Variants in CADM2 observed in about 807,000 individuals in gnomAD.
CADM2 encodes immunoglobulin superfamily member 4D.
Under a neutral mutation model 49.8 loss-of-function variants are expected in CADM2, and 12 were observed. The observed-to-expected ratio is 0.24, with a 90% CI of 0.15 to 0.39. The LOEUF (loss-of-function observed/expected upper bound fraction) is 0.39. Among genes scored for constraint, CADM2 ranks in the 10% least tolerant of loss-of-function variants. The pLI is 1.00. For missense variants in CADM2, 378 were observed against 492.3 expected, an observed-to-expected ratio of 0.77 and a Z score of 2.20; for synonymous variants, 214 against 175.4, an observed-to-expected ratio of 1.22 and a Z score of -1.74.
At chr3:85,785,059 A>G (rs930927891) in intron 2 of CADM2, among the ~76,000 whole-genome samples, 3 of 151,932 alleles carry the variant, frequency 2.0e-5, no homozygotes, top group African/African-American at 7.3e-5. Flanking sequence ...GCGTTTTCCA[A>G]TTTATTGGCA....
At chr3:85,086,230 T>G (rs2037369295) in intron 1 of CADM2, among the ~76,000 whole-genome samples, 1 of 152,044 alleles carries the variant, frequency 6.6e-6, no homozygotes. Flanking sequence ...CATACAGAAA[T>G]AAGAGTACGT....
Position 86,013,163 on chromosome 3 carries a change from G to C in CADM2, c.970+51516G>C. On this transcript the variant is annotated intron_variant, in intron 8 of 9. Transcript: ENST00000383699. ...GACACAGAAAACGAATAAAAGAACTGAGTGAAGACGAAATCAGGACTGAAA... is the reference window on the plus strand; with the variant it reads ...GACACAGAAAACGAATAAAAGAACTCAGTGAAGACGAAATCAGGACTGAAA... The C allele has an allele frequency of 1.3e-5, 18 of 1,351,208 alleles. 1 individual carries two copies. In the South Asian group the frequency reaches 1.6e-4, roughly 12 times the overall value. The allele number at this position is 1,351,208 out of a possible 1,614,324, so 83.7% of individuals were successfully genotyped here.
intron 2 of CADM2, among the ~76,000 whole-genome samples, chr3:85,727,401 G>A (rs1335683394): frequency 6.6e-6 from 1 of 151,926 alleles, no homozygotes; most frequent in Non-Finnish European, 1.5e-5. Context: ...TATTGTCATA[G>A]CAATGTATTT....
At position 85,102,396 on chromosome 3, in the gene CADM2, G is replaced by T. The variant is rs539500865; in HGVS notation, c.61+142728G>T. Reference sequence around the variant, plus strand: ...ATTTGATAGTTTACTTCAGTTACAAGCACAGAGAGTATAGAAAAAGATTTT... The same window carrying T: ...ATTTGATAGTTTACTTCAGTTACAATCACAGAGAGTATAGAAAAAGATTTT... On this transcript the variant is annotated intron_variant, in intron 1 of 9. Coordinates refer to ENST00000383699, the MANE Select transcript of CADM2 (RefSeq NM_001167675.2). Among the ~76,000 whole-genome samples the T allele has an allele frequency of 1.4e-4, 21 of 152,254 alleles. 1 individual carries two copies. In the South Asian group the frequency reaches 3.9e-3, roughly 29 times the overall value.
chr3:85,054,723 T>C (rs941746486), intron 1 of CADM2, among the ~76,000 whole-genome samples: 27 of 151,998 alleles, frequency 1.8e-4, no homozygotes, highest in African/African-American at 6.0e-4. Context: ...GTAACCATTT[T>C]TGGCCAGCAA....
chr3:85,389,673 T>A (rs575491688), intron 1 of CADM2, among the ~76,000 whole-genome samples: 1 of 152,130 alleles, frequency 6.6e-6, no homozygotes, highest in Non-Finnish European at 1.5e-5. Context: ...TTTCTGATTC[T>A]CCTTAACTTT....
rs1559644587 is a variant in CADM2 at position 85,769,553 on chromosome 3, ATG to A, written c.89-32492_89-32491del. 6.5e-4 allele frequency among the ~76,000 whole-genome samples: 49 copies of A among 75,262 alleles called. 1 individual carries two copies. The highest frequency in any genetic ancestry group is 2.8e-3 in the East Asian group (8 of 2,842). 49.4% of individuals were successfully genotyped at this position (75,262 alleles called of 152,430 possible). A position where few individuals can be genotyped will look rare whatever the true frequency, so the allele number is the denominator to read the frequency against. ...TGTATATATACACGTATATACATATATGTATATATACACGTATATACATATAT... is the reference window on the plus strand; with the variant it reads ...TGTATATATACACGTATATACATATATATATATACACGTATATACATATAT... On this transcript the variant is annotated intron_variant, in intron 2 of 9. Coordinates refer to ENST00000383699, the MANE Select transcript of CADM2 (RefSeq NM_001167675.2).
intron 1 of CADM2, among the ~76,000 whole-genome samples, chr3:85,048,130 A>G (rs17022365): frequency 6.6e-6 from 1 of 152,152 alleles, no homozygotes; most frequent in Non-Finnish European, 1.5e-5. Flanking sequence ...CAGCATGTTA[A>G]GTGCCAAGAC....
At chr3:85,508,102 A>G (rs945957442) in intron 1 of CADM2, among the ~76,000 whole-genome samples, 1 of 152,184 alleles carries the variant, frequency 6.6e-6, no homozygotes, top group Admixed American at 6.5e-5. Flanking sequence ...CAGGAAAGAA[A>G]GTACAAAGAG....
chr3:85,579,158 A>T (rs1437737302), intron 1 of CADM2, among the ~76,000 whole-genome samples: 1 of 152,192 alleles, frequency 6.6e-6, no homozygotes, highest in African/African-American at 2.4e-5. Context: ...GTATAAGTAG[A>T]TTTGAGCAAA....
chr3:85,126,358 G>T (rs1214500441), intron 1 of CADM2, among the ~76,000 whole-genome samples: 2 of 152,076 alleles, frequency 1.3e-5, no homozygotes, highest in East Asian at 3.9e-4. Context: ...CATATGGGTG[G>T]AGTCTGAAAG....
At chr3:85,935,156 A>T (rs1289577049) in intron 6 of CADM2, among the ~76,000 whole-genome samples, 1 of 152,126 alleles carries the variant, frequency 6.6e-6, no homozygotes, top group Non-Finnish European at 1.5e-5. Flanking sequence ...TCTAACAAAC[A>T]TGCAGTAGCA....
chr3:85,164,818 A>G (rs1268491462), intron 1 of CADM2, among the ~76,000 whole-genome samples: 1 of 151,992 alleles, frequency 6.6e-6, no homozygotes, highest in Non-Finnish European at 1.5e-5. Flanking sequence ...AAATTTATTT[A>G]TTTCCACTTT....
intron 2 of CADM2, among the ~76,000 whole-genome samples, chr3:85,793,245 A>G (rs1307297739): frequency 6.6e-6 from 1 of 152,148 alleles, no homozygotes; most frequent in African/African-American, 2.4e-5. Flanking sequence ...CATGGCAATA[A>G]ATTAAGAACA....
intron 1 of CADM2, among the ~76,000 whole-genome samples, chr3:85,704,803 A>G (rs192665828): frequency 6.6e-6 from 1 of 151,874 alleles, no homozygotes; most frequent in Non-Finnish European, 1.5e-5. Context: ...AATCTCCTCC[A>G]GAATATATTG....
intron 1 of CADM2, among the ~76,000 whole-genome samples, chr3:85,532,513 C>G (rs2061337406): frequency 6.6e-6 from 1 of 152,120 alleles, no homozygotes; most frequent in Non-Finnish European, 1.5e-5. Flanking sequence ...GTTCACTCCA[C>G]TCCACTCTAG....
chr3:85,911,924 T>A (rs1362844300), intron 5 of CADM2, among the ~76,000 whole-genome samples: 2 of 151,264 alleles, frequency 1.3e-5, no homozygotes, highest in Non-Finnish European at 3.0e-5. Flanking sequence ...TTTTTTAATT[T>A]TTTTTATTAT....
At chr3:85,841,568 G>T (rs1034269814) in intron 3 of CADM2, among the ~76,000 whole-genome samples, 3 of 151,994 alleles carry the variant, frequency 2.0e-5, no homozygotes, top group African/African-American at 7.2e-5. Context: ...TTAAACTAAA[G>T]TCTGATAGCT....
intron 8 of CADM2, among the ~76,000 whole-genome samples, chr3:86,051,306 C>A (rs1020600934): frequency 6.6e-6 from 1 of 152,112 alleles, no homozygotes; most frequent in Non-Finnish European, 1.5e-5. Context: ...CCAGTAAGTT[C>A]TTTATCTGTA....
Sources: gnomAD v4.1 joint callset for allele counts (sites outside exome capture counted in the v4.1 genomes callset) on GRCh38, gnomAD v4.1.1 for gene constraint, MANE v1.5 for transcripts, NCBI Gene and HGNC (gene_info 2026-07-23, HGNC 2026-07-21) for gene names.